The following ASH1L variants were observed in gnomAD, a reference collection of about 807,000 sequenced individuals.
ASH1L encodes histone-lysine N-methyltransferase ASH1L.
A neutral mutation model predicts 269.0 loss-of-function variants in ASH1L; 23 were observed. The observed-to-expected ratio is 0.09, with a 90% CI of 0.06 to 0.12. The LOEUF is 0.12. Among genes scored for constraint, ASH1L ranks in the 10% least tolerant of loss-of-function variants. The pLI is 1.00. For missense variants in ASH1L, 2,912 were observed against 3,567.8 expected (o/e 0.82, Z 4.68); for synonymous variants, 1,187 against 1,253.5 (o/e 0.95, Z 1.12).
chr1:155,450,053 T>C (rs1369823851), intron 4 of ASH1L, among the ~76,000 whole-genome samples: 3 of 152,248 alleles, frequency 2.0e-5, no homozygotes, highest in African/African-American at 7.2e-5. Context: ...AATTTTAAGT[T>C]GACAGATGTT....
intron 1 of ASH1L, among the ~76,000 whole-genome samples, chr1:155,561,189 T>G (rs1056644251): frequency 3.3e-5 from 5 of 152,114 alleles, no homozygotes; most frequent in African/African-American, 1.2e-4. Flanking sequence ...ACAAAAAAAC[T>G]GAAAGAGCTT....
chr1:155,516,314 G>A (rs1668499807), intron 2 of ASH1L, among the ~76,000 whole-genome samples: 1 of 152,134 alleles, frequency 6.6e-6, no homozygotes, highest in African/African-American at 2.4e-5. Flanking sequence ...TCATTTCACA[G>A]TAAGTAAACC....
In ASH1L at chr1:155,378,215, T is replaced by C. The variant is rs1571045475; in HGVS notation, c.6332+66A>G. The C allele has an allele frequency of 4.7e-6, 6 of 1,276,928 alleles. No individual in the cohort carries two copies. The East Asian group carries it at 1.2e-4, about 25-fold the overall frequency. The allele number at this position is 1,276,928 out of a possible 1,614,324, so 79.1% of individuals were successfully genotyped here. On this transcript the variant is annotated intron_variant, in intron 10 of 27. Coordinates refer to ENST00000392403, the MANE Select transcript of ASH1L (RefSeq NM_018489.3). ...TCAAAGAGCCTATTTAACTGTACCC[T>C]CCAAAGGAAGTGTTGTATGTATACC...
chr1:155,422,936 A>ACCACGCCTGGACATGTATGC (rs1660825527), intron 5 of ASH1L, among the ~76,000 whole-genome samples: 1 of 141,716 alleles, frequency 7.1e-6, no homozygotes. Flanking sequence ...GGCGTGAGCC[A>ACCACGCCTGGACATGTATGC]TTGAGCTGGC....
At chr1:155,507,639 AG>A (rs1486797960) in intron 2 of ASH1L, among the ~76,000 whole-genome samples, 1 of 152,222 alleles carries the variant, frequency 6.6e-6, no homozygotes, top group Non-Finnish European at 1.5e-5. Context: ...TGGGAGGACA[AG>A]GCAGGAGGAT....
intron 2 of ASH1L, among the ~76,000 whole-genome samples, chr1:155,494,610 G>A (rs1037114604): frequency 6.6e-6 from 1 of 152,194 alleles, no homozygotes; most frequent in Non-Finnish European, 1.5e-5. Flanking sequence ...ATTAGGTTAT[G>A]CTGCGATGAT....
chr1:155,562,313 G>A lies in ASH1L; in HGVS notation c.-260C>T, dbSNP rs767171519. 1.9e-6 allele frequency: 3 copies of A among 1,585,456 alleles called. No individual in the cohort carries two copies. Among genetic ancestry groups the A allele is most frequent in the South Asian group, 2.2e-5 (2 of 90,254 alleles). ...TAAGCTGACTGGCGGAAATGCGAGA[G>A]AGGAGAAGGGAAAGGTGGAAGGCTA... On this transcript the variant is annotated 5_prime_UTR_variant, in exon 1 of 28. Coordinates refer to ENST00000392403, the MANE Select transcript of ASH1L (RefSeq NM_018489.3).
chr1:155,479,338 T>C lies in ASH1L; in HGVS notation c.3532A>G (p.Thr1178Ala). 1 of 1,614,134 alleles carries C rather than the reference T, an allele frequency of 6.2e-7. No homozygotes were observed. Among genetic ancestry groups the C allele is most frequent in the Non-Finnish European group, 8.5e-7 (1 of 1,180,020 alleles). Residue 1178 changes from threonine to alanine, a missense_variant, in exon 3 of 28, where the codon ACA becomes GCA. Thr to Ala is a moderately conservative substitution (Grantham distance 58). Around this residue, in one of 13 missense-constraint regions of ASH1L, gnomAD observed 157 missense variants for 154.6 expected, o/e 1.02. Coordinates refer to ENST00000392403, the MANE Select transcript of ASH1L (RefSeq NM_018489.3). ...PNSPSHLSEL[T>A]SLKEATPSPI... Reference sequence around the variant, plus strand: ...GAAGGAGTAGCTTCTTTTAGAGATGTGAGTTCACTCAAGTGCGAAGGAGAA... The same window carrying C: ...GAAGGAGTAGCTTCTTTTAGAGATGCGAGTTCACTCAAGTGCGAAGGAGAA...
intron 1 of ASH1L, among the ~76,000 whole-genome samples, chr1:155,548,196 A>C (rs1168334324): frequency 1.3e-5 from 2 of 152,152 alleles, no homozygotes; most frequent in Non-Finnish European, 2.9e-5. Flanking sequence ...GGAGAACCTG[A>C]GGACGAGTAA....
At chr1:155,503,565 C>T (rs1360554) in intron 2 of ASH1L, among the ~76,000 whole-genome samples, 81,487 of 152,074 alleles carry the variant, frequency 0.54, 24,507 homozygotes, top group Non-Finnish European at 0.68. Flanking sequence ...TTGACATTAT[C>T]TTCTTTTAAT....
At chr1:155,443,827 C>T (rs1279465546) in intron 4 of ASH1L, among the ~76,000 whole-genome samples, 3 of 152,124 alleles carry the variant, frequency 2.0e-5, no homozygotes, top group Non-Finnish European at 2.9e-5. Context: ...GAATATACCA[C>T]AATTTCTTTA....
At chr1:155,541,902 C>T (rs923446569) in intron 1 of ASH1L, among the ~76,000 whole-genome samples, 1 of 151,994 alleles carries the variant, frequency 6.6e-6, no homozygotes, top group Non-Finnish European at 1.5e-5. Context: ...CTTCTAGAAA[C>T]TTAGAACAGG....
chr1:155,436,490 A>AGTTT (rs1662104066), intron 5 of ASH1L, among the ~76,000 whole-genome samples: 1 of 72,634 alleles, frequency 1.4e-5, no homozygotes, highest in Non-Finnish European at 2.8e-5. Context: ...CCATGCGTGG[A>AGTTT]CTTTTTTTTT....
At chr1:155,366,610 C>T (rs967948212) in intron 12 of ASH1L, among the ~76,000 whole-genome samples, 1 of 152,170 alleles carries the variant, frequency 6.6e-6, no homozygotes, top group Non-Finnish European at 1.5e-5. Context: ...GTCCTACAAA[C>T]TTTCATAAGA....
At position 155,562,674 on chromosome 1, in the gene ASH1L, C is replaced by A. The variant is rs1161362001; in HGVS notation, c.-621G>T. ...AACCACCACCTTCGGCCGCCCCGCG[C>A]GCCAGCCAGCCCGTACGCGCTCACC... is the stretch of plus-strand genomic sequence containing the variant. On this transcript the variant is annotated 5_prime_UTR_variant, in exon 1 of 28. Coordinates refer to ENST00000392403, the MANE Select transcript of ASH1L (RefSeq NM_018489.3). 5.3e-6 allele frequency: 8 copies of A among 1,522,242 alleles called. No homozygotes were observed. The highest frequency in any genetic ancestry group is 7.0e-6 in the Non-Finnish European group (8 of 1,137,710). 94.3% of individuals were successfully genotyped at this position (1,522,242 alleles called of 1,614,324 possible).
At chr1:155,377,255 C>G (rs957932638) in intron 10 of ASH1L, among the ~76,000 whole-genome samples, 2 of 152,154 alleles carry the variant, frequency 1.3e-5, no homozygotes, top group East Asian at 1.9e-4. Context: ...ACTTTATTTT[C>G]AGAGAGAGAA....
intron 1 of ASH1L, among the ~76,000 whole-genome samples, chr1:155,524,759 G>C (rs1322310369): frequency 6.6e-6 from 1 of 151,968 alleles, no homozygotes; most frequent in Admixed American, 6.6e-5. Flanking sequence ...AAGATGGTTT[G>C]AGCCCAGGAA....
chr1:155,344,031 G>T, intron 22 of ASH1L, 152 bp downstream of exon 22: 1 of 679,972 alleles, frequency 1.5e-6, no homozygotes, highest in Non-Finnish European at 2.4e-6. Flanking sequence ...GAGAGGTGAT[G>T]CATGTAAGCA....
At chr1:155,548,049 A>G (rs1438648134) in intron 1 of ASH1L, among the ~76,000 whole-genome samples, 1 of 152,200 alleles carries the variant, frequency 6.6e-6, no homozygotes, top group Non-Finnish European at 1.5e-5. Flanking sequence ...CATCATCCTC[A>G]GCAAACTAAC....
Sources: gnomAD v4.1 joint callset for allele counts (sites outside exome capture counted in the v4.1 genomes callset) on GRCh38, gnomAD v4.1.1 for gene constraint, gnomAD v4.1.1 regional missense constraint, MANE v1.5 for transcripts, NCBI Gene and HGNC (gene_info 2026-07-23, HGNC 2026-07-21) for gene names.